Variants in IQGAP2 observed in about 807,000 individuals in gnomAD.
IQGAP2 encodes the protein ras GTPase-activating-like protein IQGAP2.
In IQGAP2, 173 loss-of-function variants were observed where a neutral mutation model predicts 201.3. The ratio of observed to expected loss-of-function variants is 0.86; its 90% CI spans 0.76 to 0.98. The LOEUF is 0.98. IQGAP2 is among the 50% of genes least tolerant of loss of function. The pLI, the probability that IQGAP2 is intolerant of heterozygous loss-of-function variation, is 0.00. For missense variants in IQGAP2, 1,687 were observed against 1,864.8 expected, an observed-to-expected ratio of 0.90 and a Z score of 1.76; for synonymous variants, 675 against 673.9, an observed-to-expected ratio of 1.00 and a Z score of -0.03.
At chr5:76,509,820 C>T (rs12697853) in intron 2 of IQGAP2, among the ~76,000 whole-genome samples, 70,673 of 151,892 alleles carry the variant, frequency 0.47, 16,860 homozygotes, top group African/African-American at 0.54. Flanking sequence ...AGTCACCCTC[C>T]TGGACCTAAG....
At chr5:76,576,834 TA>T (rs34067731) in intron 5 of IQGAP2, among the ~76,000 whole-genome samples, 28 of 152,260 alleles carry the variant, frequency 1.8e-4, no homozygotes, top group African/African-American at 5.5e-4. Flanking sequence ...AACAACTGGT[TA>T]AAAAAAGAAA....
rs528915710 is a variant in IQGAP2, at chr5:76,430,424, G to A, written c.46+26833G>A. Among the ~76,000 whole-genome samples the A allele has an allele frequency of 2.6e-5, 4 of 152,346 alleles. No homozygotes were observed. The East Asian group carries it at 7.7e-4, about 29-fold the overall frequency. On this transcript the variant is annotated intron_variant, in intron 1 of 35. Transcript: ENST00000274364. Reference sequence around the variant, plus strand: ...GGGCTGTTTACCAGAGCATCTGCGAGTTGACCCTTCATGGAGCTCAGGCTT... The same window carrying A: ...GGGCTGTTTACCAGAGCATCTGCGAATTGACCCTTCATGGAGCTCAGGCTT...
chr5:76,510,790 C>G (rs1580352945), intron 2 of IQGAP2: 8 of 455,046 alleles, frequency 1.8e-5, no homozygotes, highest in Admixed American at 9.5e-5. Context: ...GGCACCTGCC[C>G]CCACCTCCAA....
chr5:76,697,423 C>G (rs1470638386), intron 32 of IQGAP2, among the ~76,000 whole-genome samples: 1 of 152,194 alleles, frequency 6.6e-6, no homozygotes, highest in Non-Finnish European at 1.5e-5. Flanking sequence ...GCGGGCAGAT[C>G]ACTTGAGGTC....
chr5:76,456,178 A>T (rs1754072723), intron 1 of IQGAP2, among the ~76,000 whole-genome samples: 1 of 152,150 alleles, frequency 6.6e-6, no homozygotes, highest in East Asian at 1.9e-4. Context: ...ATAGAAATGG[A>T]TGAGACTCGA....
At chr5:76,704,929 T>G (rs1268998149) in intron 35 of IQGAP2, among the ~76,000 whole-genome samples, 3 of 152,170 alleles carry the variant, frequency 2.0e-5, no homozygotes, top group African/African-American at 4.8e-5. Context: ...CAGCTCTATG[T>G]CTCTTGGTTA....
chr5:76,617,625 A>G, intron 13 of IQGAP2: 1 of 1,613,514 alleles, frequency 6.2e-7, no homozygotes, highest in Non-Finnish European at 8.5e-7. Context: ...GGTTTTTGAC[A>G]TGAGAAAATA....
intron 1 of IQGAP2, among the ~76,000 whole-genome samples, chr5:76,458,991 G>A (rs957276446): frequency 1.3e-5 from 2 of 152,090 alleles, no homozygotes; most frequent in African/African-American, 4.8e-5. Context: ...GGATAGGAGG[G>A]CATTTTGAGC....
At chr5:76,441,031 C>CA (rs112796247) in intron 1 of IQGAP2, among the ~76,000 whole-genome samples, 2,693 of 104,028 alleles carry the variant, frequency 0.026, 29 homozygotes, top group Admixed American at 0.045. Flanking sequence ...GACTCAGTCT[C>CA]AAAAAAAAAA....
intron 2 of IQGAP2, among the ~76,000 whole-genome samples, chr5:76,490,669 TTG>T (rs1449665351): frequency 6.6e-6 from 1 of 152,148 alleles, no homozygotes; most frequent in East Asian, 1.9e-4. Flanking sequence ...AGCTATTTTG[TTG>T]TCATTGTTAT....
intron 2 of IQGAP2, among the ~76,000 whole-genome samples, chr5:76,472,443 C>T (rs1271451526): frequency 6.6e-6 from 1 of 152,148 alleles, no homozygotes; most frequent in Non-Finnish European, 1.5e-5. Context: ...ATGGAAGGAA[C>T]ACTTATTAAG....
chr5:76,630,763 A>G (rs1022863697), intron 14 of IQGAP2, among the ~76,000 whole-genome samples: 9 of 152,138 alleles, frequency 5.9e-5, no homozygotes, highest in Non-Finnish European at 8.8e-5. Context: ...GGAAAGGGCT[A>G]TGTCTACCCA....
At chr5:76,594,975 T>TAAA (rs554113962) in intron 9 of IQGAP2, among the ~76,000 whole-genome samples, 29 of 148,950 alleles carry the variant, frequency 1.9e-4, no homozygotes, top group Middle Eastern at 3.5e-3. Flanking sequence ...CAAAAAAAAT[T>TAAA]TAAAAAAAAA....
At chr5:76,619,514 C>CTT (rs773323091) in intron 13 of IQGAP2, among the ~76,000 whole-genome samples, 52 of 104,180 alleles carry the variant, frequency 5.0e-4, no homozygotes, top group South Asian at 1.0e-3. Context: ...TAAGGATCTT[C>CTT]TTTTTTTTTT....
chr5:76,427,747 A>G (rs1215153994), intron 1 of IQGAP2, among the ~76,000 whole-genome samples: 1 of 152,216 alleles, frequency 6.6e-6, no homozygotes, highest in Non-Finnish European at 1.5e-5. Flanking sequence ...GCAGGTCTCC[A>G]GGCCACATTT....
chr5:76,440,979 C>T (rs146688983), intron 1 of IQGAP2, among the ~76,000 whole-genome samples: 2 of 150,144 alleles, frequency 1.3e-5, no homozygotes, highest in East Asian at 2.0e-4. Context: ...TGCAGTGAGC[C>T]GAGTTCGTAC....
At chr5:76,415,885 C>A (rs59851723) in intron 1 of IQGAP2, among the ~76,000 whole-genome samples, 26,648 of 150,458 alleles carry the variant, frequency 0.18, 4,897 homozygotes, top group African/African-American at 0.47. Context: ...GTGGAGGTTG[C>A]AGTGAGCCGA....
Position 76,608,967 on chromosome 5 carries a change from G to A in IQGAP2, c.1358-2053G>A. The A allele has an allele frequency of 1.1e-5, 10 of 871,954 alleles. No individual in the cohort carries two copies. In the South Asian group the frequency reaches 1.2e-4, roughly 10 times the overall value. 54.0% of individuals were successfully genotyped at this position (871,954 alleles called of 1,614,324 possible). Reference sequence around the variant, plus strand: ...TGTAAAGAAGTGGACCGTGGGCTGAGTGAAGCTCAGCAATCTTTCTTCAAA... The same window carrying A: ...TGTAAAGAAGTGGACCGTGGGCTGAATGAAGCTCAGCAATCTTTCTTCAAA... On this transcript the variant is annotated intron_variant, in intron 12 of 35. Transcript: ENST00000274364.
chr5:76,606,020 GTA>G (rs1747778759), intron 11 of IQGAP2, among the ~76,000 whole-genome samples, 157 bp from the exon 12 acceptor site: 1 of 152,124 alleles, frequency 6.6e-6, no homozygotes, highest in African/African-American at 2.4e-5. Context: ...AGTAAGCCTG[GTA>G]TATGTTGACA....
Sources: allele counts gnomAD v4.1 joint callset (sites outside exome capture counted in the v4.1 genomes callset), GRCh38; gene constraint gnomAD v4.1.1; transcripts MANE v1.5; gene names NCBI Gene and HGNC (gene_info 2026-07-23, HGNC 2026-07-21).